Variants in LPIN1 observed in about 807,000 individuals in gnomAD.
The protein encoded by LPIN1 is phosphatidate phosphatase LPIN1.
In LPIN1, 71 loss-of-function variants were observed where a neutral mutation model predicts 107.5. The observed-to-expected ratio is 0.66, with a 90% CI of 0.55 to 0.80. The LOEUF (loss-of-function observed/expected upper bound fraction) is 0.80. Ranked by LOEUF, LPIN1 falls within the 30% of genes least tolerant of loss-of-function variation. LPIN1 has a pLI of 0.00. For synonymous variants in LPIN1, 445 were observed against 452.6 expected, an observed-to-expected ratio of 0.98 and a Z score of 0.21; for missense variants, 1,043 against 1,160.6, an observed-to-expected ratio of 0.90 and a Z score of 1.47.
At chr2:11,691,365 A>G (rs988741514) in intron 1 of LPIN1, among the ~76,000 whole-genome samples, 1 of 152,146 alleles carries the variant, frequency 6.6e-6, no homozygotes, top group South Asian at 2.1e-4. Flanking sequence ...CCTTGGCCCT[A>G]AGCAGTAGGG....
intron 17 of LPIN1, among the ~76,000 whole-genome samples, chr2:11,810,306 A>G (rs1220303254): frequency 6.6e-6 from 1 of 152,174 alleles, no homozygotes; most frequent in Admixed American, 6.5e-5. Flanking sequence ...CCCTGTGAGA[A>G]GGTGGCACTC....
chr2:11,722,843 T>A (rs1284835200), upstream of LPIN1, among the ~76,000 whole-genome samples: 1 of 152,146 alleles, frequency 6.6e-6, no homozygotes, highest in East Asian at 1.9e-4. Flanking sequence ...AAATGATTGG[T>A]GAATATTTTA....
chr2:11,778,284 G>T (rs2148648860), intron 6 of LPIN1, among the ~76,000 whole-genome samples: 1 of 152,332 alleles, frequency 6.6e-6, no homozygotes, highest in East Asian at 1.9e-4. Context: ...GAGCGTGCAG[G>T]CTGCCCCGTG....
At chr2:11,743,086 G>C (rs954265759), upstream of LPIN1, among the ~76,000 whole-genome samples, 7 of 152,204 alleles carry the variant, frequency 4.6e-5, no homozygotes, top group African/African-American at 1.7e-4. This position sits in a 1 kb window ranked among gnomAD's most constrained non-coding sequence, Gnocchi z 4.7. Flanking sequence ...CACTGTGACA[G>C]TTTTTACGCG....
chr2:11,783,989 TTCCCCTTA>T, intron 9 of LPIN1, 67 bp downstream of exon 9: 1 of 1,610,752 alleles, frequency 6.2e-7, no homozygotes, highest in African/African-American at 1.3e-5. Flanking sequence ...TGAGACCAGT[TTCCCCTTA>T]TGTTTGATTA....
chr2:11,724,411 G>A (rs1249509347), exon 1 of LPIN1: 5 of 986,398 alleles, frequency 5.1e-6, no homozygotes, highest in Non-Finnish European at 6.0e-6. Flanking sequence ...GAAGGAACAG[G>A]AGGGAAGAGA....
At chr2:11,719,191 T>C (rs544225507) in intron 2 of LPIN1, among the ~76,000 whole-genome samples, 2 of 152,368 alleles carry the variant, frequency 1.3e-5, no homozygotes, top group African/African-American at 4.8e-5. Context: ...TTCCCTTCAT[T>C]ATTTTTATTT....
chr2:11,760,800 G>A lies in LPIN1; in HGVS notation c.-9-4733G>A, dbSNP rs563936774. ...AGTAAAAAAATACCAACAGTAGTTC[G>A]TAGATGTGCTGGCCTGGGGTTGGGG... On this transcript the variant is annotated intron_variant, in intron 1 of 20. Transcript: ENST00000674199. Among the ~76,000 whole-genome samples, 318 of 152,260 alleles carry A rather than the reference G, an allele frequency of 2.1e-3. 1 individual carries two copies. The highest frequency in any genetic ancestry group is 3.8e-3 in the Non-Finnish European group (261 of 68,024).
intron 16 of LPIN1, 43 bp from the exon 17 acceptor site, chr2:11,805,013 GTGCAATGAATCTGA>G: frequency 9.8e-7 from 1 of 1,015,736 alleles, no homozygotes; most frequent in Non-Finnish European, 1.6e-6. Context: ...GGCATGAATG[GTGCAATGAATCTGA>G]AAGGGATTTT....
intron 14 of LPIN1, among the ~76,000 whole-genome samples, chr2:11,797,830 G>A (rs1488783944): frequency 6.6e-6 from 1 of 152,216 alleles, no homozygotes; most frequent in Non-Finnish European, 1.5e-5. Flanking sequence ...GGGAAGGCAT[G>A]TTTGATTTTG....
intron 1 of LPIN1, among the ~76,000 whole-genome samples, chr2:11,699,857 G>T (rs774226187): frequency 2.6e-5 from 4 of 152,082 alleles, no homozygotes; most frequent in Non-Finnish European, 5.9e-5. Flanking sequence ...GGGAGGGAGA[G>T]GAGCCGGTTG....
At chr2:11,755,760 C>T (rs774863534) in intron 1 of LPIN1, among the ~76,000 whole-genome samples, 15 of 149,406 alleles carry the variant, frequency 1.0e-4, no homozygotes, top group Admixed American at 1.3e-4. Flanking sequence ...CTCGCTCTGT[C>T]GCCCAAGCTG....
At chr2:11,779,224 T>G (rs1216212811) in intron 6 of LPIN1, among the ~76,000 whole-genome samples, 1 of 152,112 alleles carries the variant, frequency 6.6e-6, no homozygotes, top group East Asian at 1.9e-4. Flanking sequence ...AACAGACTAT[T>G]TTTCCCTTTC....
At chr2:11,805,303 A>G (rs1678485629) in intron 17 of LPIN1, 147 bp downstream of exon 17, 3 of 714,906 alleles carry the variant, frequency 4.2e-6, no homozygotes, top group Non-Finnish European at 7.6e-6. Flanking sequence ...GGTCAGGGGT[A>G]GCAGTGGAGT....
At chr2:11,748,541 G>C (rs985264817) in intron 1 of LPIN1, among the ~76,000 whole-genome samples, 2 of 152,208 alleles carry the variant, frequency 1.3e-5, no homozygotes, top group African/African-American at 4.8e-5. Context: ...TGGGGTCCAC[G>C]AATCATTGTG....
At chr2:11,805,908 C>G (rs1389376626) in intron 17 of LPIN1, among the ~76,000 whole-genome samples, 1 of 152,224 alleles carries the variant, frequency 6.6e-6, no homozygotes, top group African/African-American at 2.4e-5. Flanking sequence ...CGAAACACCC[C>G]CATTCTAGCT....
chr2:11,770,208 T>G (rs1671616675), intron 3 of LPIN1, among the ~76,000 whole-genome samples: 1 of 152,232 alleles, frequency 6.6e-6, no homozygotes, highest in Admixed American at 6.5e-5. Context: ...TGGGCCAGCG[T>G]GCAGCGGGAC....
chr2:11,721,251 C>G (rs1664114202), upstream of LPIN1, among the ~76,000 whole-genome samples: 1 of 146,470 alleles, frequency 6.8e-6, no homozygotes, highest in Non-Finnish European at 1.5e-5. Flanking sequence ...TTGACAGTTA[C>G]TGTACTGCAT....
intron 1 of LPIN1, among the ~76,000 whole-genome samples, chr2:11,703,470 GTGCATACATCTCTGGTC>G (rs1425334664): frequency 3.9e-5 from 6 of 152,186 alleles, no homozygotes; most frequent in Non-Finnish European, 8.8e-5. Flanking sequence ...ACATATACAT[GTGCATACATCTCTGGTC>G]TGCACTGGCT....
Sources: gnomAD v4.1 joint callset for allele counts (sites outside exome capture counted in the v4.1 genomes callset) on GRCh38, gnomAD v4.1.1 for gene constraint, Gnocchi (gnomAD v3.1) non-coding constraint, MANE v1.5 for transcripts, NCBI Gene and HGNC (gene_info 2026-07-23, HGNC 2026-07-21) for gene names.